ZNF804B: variants seen among roughly 807,000 people sequenced by gnomAD.
ZNF804B encodes the protein zinc finger 804B.
Under a neutral mutation model 101.4 loss-of-function variants are expected in ZNF804B, and 80 were observed. The observed-to-expected ratio is 0.79, with a 90% confidence interval of 0.66 to 0.95. ZNF804B has a LOEUF of 0.95. ZNF804B is among the 40% of genes least tolerant of loss of function. ZNF804B has a pLI of 0.00. For missense variants in ZNF804B, 1,673 were observed against 1,561.9 expected, an observed-to-expected ratio of 1.07 and a Z score of -1.20; for synonymous variants, 622 against 558.8, an observed-to-expected ratio of 1.11 and a Z score of -1.59.
intron 2 of ZNF804B, among the ~76,000 whole-genome samples, chr7:89,281,293 A>T (rs1790090516): frequency 6.6e-6 from 1 of 152,166 alleles, no homozygotes; most frequent in Non-Finnish European, 1.5e-5. Context: ...TGTATTAATT[A>T]TTTTATGAGA....
At chr7:89,314,027 A>G (rs1287351658) in intron 2 of ZNF804B, among the ~76,000 whole-genome samples, 1 of 152,188 alleles carries the variant, frequency 6.6e-6, no homozygotes, top group Non-Finnish European at 1.5e-5. Context: ...TCTAGGAAAT[A>G]TAAGAAATCC....
chr7:89,313,237 GT>G (rs1790669608), intron 2 of ZNF804B, among the ~76,000 whole-genome samples: 1 of 152,060 alleles, frequency 6.6e-6, no homozygotes, highest in African/African-American at 2.4e-5. Flanking sequence ...CTATGTGTTT[GT>G]TTCTTCATCT....
At chr7:88,986,354 C>T (rs147548160) in intron 1 of ZNF804B, among the ~76,000 whole-genome samples, 2 of 152,076 alleles carry the variant, frequency 1.3e-5, no homozygotes, top group African/African-American at 4.8e-5. Flanking sequence ...ACAAAAAATA[C>T]CTTGTCTATT....
Position 88,876,998 on chromosome 7 carries a change from GAAAA to G in ZNF804B, c.108+116921_108+116924del, listed in dbSNP as rs1161171786. Reference sequence around the variant, plus strand: ...ACAGGAAATTATACAGAGAATATTTGAAAAAAAAAATATATATATATATATATAA... The same window carrying G: ...ACAGGAAATTATACAGAGAATATTTGAAAAAATATATATATATATATATAA... On this transcript the variant is annotated intron_variant, in intron 1 of 3. Transcript: ENST00000333190. Among the ~76,000 whole-genome samples, 26 of 53,872 alleles carry G rather than the reference GAAAA, an allele frequency of 4.8e-4. 1 individual carries two copies. Among genetic ancestry groups the G allele is most frequent in the African/African-American group, 1.2e-3 (10 of 8,674 alleles). 35.3% of individuals were successfully genotyped at this position (53,872 alleles called of 152,430 possible). A position where few individuals can be genotyped will look rare whatever the true frequency, so the allele number is the denominator to read the frequency against.
chr7:89,033,219 T>A (rs1788867583), intron 1 of ZNF804B, among the ~76,000 whole-genome samples: 1 of 152,104 alleles, frequency 6.6e-6, no homozygotes, highest in Admixed American at 6.6e-5. Flanking sequence ...GATCATGTGG[T>A]ATTTGTCTTT....
chr7:89,159,773 G>C (rs1791031173), intron 1 of ZNF804B, among the ~76,000 whole-genome samples: 1 of 151,996 alleles, frequency 6.6e-6, no homozygotes. Flanking sequence ...AAACATCAAG[G>C]GTAAAATAAC....
intron 1 of ZNF804B, among the ~76,000 whole-genome samples, chr7:89,159,017 A>T (rs889166377): frequency 2.0e-5 from 3 of 152,100 alleles, no homozygotes; most frequent in Admixed American, 1.3e-4. Flanking sequence ...TGAATTTCAC[A>T]TGCCTAGATT....
chr7:89,098,961 A>C lies in ZNF804B; in HGVS notation c.109-119194A>C, dbSNP rs1790011246. ...TGTGTTGTTTTAACAAGCAAACTGA[A>C]ATGAAATCTTGAATGAAAACTATAA... On this transcript the variant is annotated intron_variant, in intron 1 of 3. Transcript: ENST00000333190. 2.0e-5 allele frequency among the ~76,000 whole-genome samples: 3 copies of C among 151,018 alleles called. No individual in the cohort carries two copies. In the South Asian group the frequency reaches 6.2e-4, roughly 31 times the overall value.
chr7:89,097,532 C>A (rs760627151), intron 1 of ZNF804B, among the ~76,000 whole-genome samples: 4 of 152,064 alleles, frequency 2.6e-5, no homozygotes, highest in Non-Finnish European at 5.9e-5. Context: ...AAGCTGGAGA[C>A]TATTTCTTAA....
chr7:89,320,063 G>T (rs2115966069), intron 2 of ZNF804B, among the ~76,000 whole-genome samples: 1 of 150,028 alleles, frequency 6.7e-6, no homozygotes, highest in African/African-American at 2.4e-5. Flanking sequence ...TGGGGGGCTA[G>T]GGGAGGGATA....
At chr7:88,946,399 T>C (rs986514543) in intron 1 of ZNF804B, among the ~76,000 whole-genome samples, 1 of 152,054 alleles carries the variant, frequency 6.6e-6, no homozygotes, top group Non-Finnish European at 1.5e-5. Flanking sequence ...TTACATTTAT[T>C]GATTTGTGTA....
intron 1 of ZNF804B, among the ~76,000 whole-genome samples, chr7:89,194,166 T>A (rs1241240374): frequency 1.3e-5 from 2 of 152,124 alleles, no homozygotes; most frequent in Non-Finnish European, 2.9e-5. Context: ...GGTTGTTTGT[T>A]TTTTTCTTGT....
intron 2 of ZNF804B, among the ~76,000 whole-genome samples, chr7:89,301,274 G>C (rs1790469759): frequency 6.6e-6 from 1 of 151,252 alleles, no homozygotes; most frequent in Non-Finnish European, 1.5e-5. Context: ...TTTATTCATG[G>C]ATGGCTGAAA....
chr7:89,327,526 G>A (rs762975943), intron 3 of ZNF804B, 52 bp downstream of exon 3: 1 of 1,576,454 alleles, frequency 6.3e-7, no homozygotes, highest in Non-Finnish European at 8.6e-7. Context: ...AACCTATGGG[G>A]AAATTTTAAA....
intron 1 of ZNF804B, among the ~76,000 whole-genome samples, chr7:89,111,747 G>A (rs563094838): frequency 2.7e-3 from 414 of 151,820 alleles, no homozygotes; most frequent in Admixed American, 5.4e-3. Context: ...TTTCTTTCAC[G>A]GATTGTCCTT....
intron 2 of ZNF804B, among the ~76,000 whole-genome samples, chr7:89,288,214 C>T (rs150014973): frequency 2.5e-3 from 371 of 151,286 alleles, no homozygotes; most frequent in African/African-American, 7.8e-3. Flanking sequence ...TTTATTGTGA[C>T]GCATAAAGAG....
At chr7:88,888,512 A>G (rs554731004) in intron 1 of ZNF804B, among the ~76,000 whole-genome samples, 2 of 152,300 alleles carry the variant, frequency 1.3e-5, no homozygotes, top group East Asian at 3.9e-4. Context: ...CACCGTATCC[A>G]TAATTTAGCT....
rs1160698195 is a variant in ZNF804B at position 89,220,013 on chromosome 7, G to A, written c.249+1718G>A. Among the ~76,000 whole-genome samples the A allele has an allele frequency of 1.9e-3, 227 of 118,620 alleles. 82 individuals are homozygous for A. The highest frequency in any genetic ancestry group is 0.014 in the Middle Eastern group (2 of 144). The allele number at this position is 118,620 out of a possible 152,430, so 77.8% of individuals were successfully genotyped here. On this transcript the variant is annotated intron_variant, in intron 2 of 3. Transcript: ENST00000333190. ...TGCATATATGTATATGCACATATATGTGTGTATACATATATATACGCACAT... is the reference window on the plus strand; with the variant it reads ...TGCATATATGTATATGCACATATATATGTGTATACATATATATACGCACAT...
At chr7:88,795,406 C>A (rs1252813310) in intron 1 of ZNF804B, among the ~76,000 whole-genome samples, 1 of 151,994 alleles carries the variant, frequency 6.6e-6, no homozygotes, top group Non-Finnish European at 1.5e-5. Flanking sequence ...AACCTTTAGT[C>A]ATGTCACTAA....
Sources: allele counts gnomAD v4.1 joint callset (sites outside exome capture counted in the v4.1 genomes callset), GRCh38; gene constraint gnomAD v4.1.1; transcripts MANE v1.5; gene names NCBI Gene and HGNC (gene_info 2026-07-23, HGNC 2026-07-21).